Variants in EPHA6 observed in about 807,000 individuals in gnomAD.
EPHA6 encodes EPH receptor A6, also known as ephrin type-A receptor 6.
Under a neutral mutation model 112.0 loss-of-function variants are expected in EPHA6, and 50 were observed. That is an observed-to-expected ratio of 0.45 (90% CI 0.36 to 0.56). EPHA6 has a LOEUF of 0.56. Among genes scored for constraint, EPHA6 ranks in the 20% least tolerant of loss-of-function variants. The pLI is 0.00. For missense variants in EPHA6, 1,280 were observed against 1,417.4 expected (o/e 0.90, Z 1.56); for synonymous variants, 529 against 490.7 (o/e 1.08, Z -1.03).
At chr3:97,183,380 A>T (rs1467934847) in intron 3 of EPHA6, among the ~76,000 whole-genome samples, 1 of 152,176 alleles carries the variant, frequency 6.6e-6, no homozygotes, top group African/African-American at 2.4e-5. Flanking sequence ...AAATTCCACA[A>T]TATTAGATAA....
At chr3:97,480,165 T>G (rs1336117069) in intron 9 of EPHA6, among the ~76,000 whole-genome samples, 1 of 152,086 alleles carries the variant, frequency 6.6e-6, no homozygotes, top group Non-Finnish European at 1.5e-5. Flanking sequence ...AGTGAGGAAC[T>G]TTTATTTTTT....
At chr3:97,260,610 C>T (rs1411408969) in intron 5 of EPHA6, among the ~76,000 whole-genome samples, 14 of 152,182 alleles carry the variant, frequency 9.2e-5, no homozygotes, top group Non-Finnish European at 2.1e-4. Flanking sequence ...AAATAGTTTT[C>T]ATCTGGGAGC....
At chr3:97,556,407 T>TG (rs1251810572) in intron 11 of EPHA6, among the ~76,000 whole-genome samples, 3 of 151,992 alleles carry the variant, frequency 2.0e-5, no homozygotes, top group African/African-American at 4.8e-5. Flanking sequence ...TCAGCATGGC[T>TG]GGGGGGTCCT....
chr3:97,370,875 T>G (rs2085011141), intron 5 of EPHA6, among the ~76,000 whole-genome samples: 1 of 151,732 alleles, frequency 6.6e-6, no homozygotes, highest in African/African-American at 2.4e-5. Flanking sequence ...AGATTAAGAG[T>G]TTTTGCAGGA....
chr3:96,847,731 G>T (rs923151658), intron 1 of EPHA6, among the ~76,000 whole-genome samples: 1 of 152,012 alleles, frequency 6.6e-6, no homozygotes, highest in African/African-American at 2.4e-5. Flanking sequence ...GCATACTTTG[G>T]AACGGTACAA....
At chr3:97,252,299 C>T (rs548948546) in intron 5 of EPHA6, among the ~76,000 whole-genome samples, 44 of 152,206 alleles carry the variant, frequency 2.9e-4, no homozygotes, top group African/African-American at 1.0e-3. Flanking sequence ...GCCTTTGTAA[C>T]CCACAATGGG....
chr3:97,123,874 G>A (rs773124701), intron 3 of EPHA6, among the ~76,000 whole-genome samples: 2 of 151,906 alleles, frequency 1.3e-5, no homozygotes, highest in Non-Finnish European at 1.5e-5. Flanking sequence ...GTTGTTAAAC[G>A]TTTAGCTGCA....
chr3:96,926,183 CGA>C (rs1342944032), intron 2 of EPHA6, among the ~76,000 whole-genome samples: 2 of 151,982 alleles, frequency 1.3e-5, no homozygotes, highest in African/African-American at 4.8e-5. Context: ...TGGCAGCAGG[CGA>C]GAGAGTGATT....
At chr3:97,197,111 G>A (rs1303205846) in intron 3 of EPHA6, among the ~76,000 whole-genome samples, 1 of 152,032 alleles carries the variant, frequency 6.6e-6, no homozygotes, top group Non-Finnish European at 1.5e-5. Flanking sequence ...ATTCTGCCCA[G>A]GAGGCAACAT....
intron 5 of EPHA6, among the ~76,000 whole-genome samples, chr3:97,285,943 A>G (rs1452579669): frequency 6.6e-6 from 1 of 152,038 alleles, no homozygotes; most frequent in African/African-American, 2.4e-5. Flanking sequence ...GGGTAAGATG[A>G]TATCTCACTG....
In EPHA6 at chr3:97,760,812, C is replaced by T. The variant is rs1449602046; in HGVS notation, c.*12111C>T. 5.4e-6 allele frequency: 1 copy of T among 186,284 alleles called. No homozygotes were observed. 11.5% of individuals were successfully genotyped at this position (186,284 alleles called of 1,614,324 possible). A position where few individuals can be genotyped will look rare whatever the true frequency, so the allele number is the denominator to read the frequency against. On this transcript the variant is annotated 3_prime_UTR_variant, in exon 18 of 18. Coordinates refer to ENST00000389672, the MANE Select transcript of EPHA6 (RefSeq NM_001080448.3). ...AAAAACGACAGCTAAAAATAATTTC[C>T]CTCCCTATAAGTACAAATATGATTT...
intron 5 of EPHA6, among the ~76,000 whole-genome samples, chr3:97,263,436 T>TACACACACACAC (rs34479594): frequency 0.017 from 2,467 of 142,254 alleles, 57 homozygotes; most frequent in African/African-American, 0.052. Context: ...ATTAAAGGGA[T>TACACACACACAC]ACACACACAC....
intron 2 of EPHA6, among the ~76,000 whole-genome samples, chr3:96,960,847 C>A (rs1179950572): frequency 6.6e-6 from 1 of 152,130 alleles, no homozygotes; most frequent in Non-Finnish European, 1.5e-5. Context: ...CTGTTAAATT[C>A]TGAGTCATAG....
At chr3:96,888,525 A>G (rs2037766909) in intron 2 of EPHA6, among the ~76,000 whole-genome samples, 1 of 152,052 alleles carries the variant, frequency 6.6e-6, no homozygotes, top group South Asian at 2.1e-4. Context: ...GGCAGGCTCA[A>G]CACCACGTGG....
At chr3:97,588,030 A>G (rs2093507189) in intron 11 of EPHA6, among the ~76,000 whole-genome samples, 1 of 152,338 alleles carries the variant, frequency 6.6e-6, no homozygotes, top group Non-Finnish European at 1.5e-5. Context: ...CAAGTTTTAC[A>G]GGGGATATTA....
At chr3:97,531,970 G>T (rs1045430883) in intron 10 of EPHA6, among the ~76,000 whole-genome samples, 14 of 152,096 alleles carry the variant, frequency 9.2e-5, no homozygotes, top group Middle Eastern at 3.4e-3. Context: ...ACACATTCCT[G>T]ATGGATTCCC....
At chr3:97,720,048 A>G (rs1228396320) in intron 14 of EPHA6, among the ~76,000 whole-genome samples, 1 of 152,228 alleles carries the variant, frequency 6.6e-6, no homozygotes. Flanking sequence ...CTGAAGTGTG[A>G]CTTATTTCCC....
intron 5 of EPHA6, among the ~76,000 whole-genome samples, chr3:97,396,991 G>A (rs1019524034): frequency 7.3e-5 from 11 of 151,592 alleles, no homozygotes; most frequent in East Asian, 5.8e-4. Context: ...TATTGGAAAC[G>A]TAGTCATCAG....
chr3:96,949,483 T>C lies in EPHA6; in HGVS notation c.451-37847T>C, dbSNP rs962582042. Among the ~76,000 whole-genome samples, 11 of 152,096 alleles carry C rather than the reference T, an allele frequency of 7.2e-5. No individual in the cohort carries two copies. The East Asian group carries it at 2.1e-3, about 29-fold the overall frequency. ...AATAATTAATGACATGATGGGACTT[T>C]TTGAGAATAAAGTGAGATTTTTATA... On this transcript the variant is annotated intron_variant, in intron 2 of 17. Transcript: ENST00000389672.
Sources: gnomAD v4.1 joint callset for allele counts (sites outside exome capture counted in the v4.1 genomes callset) on GRCh38, gnomAD v4.1.1 for gene constraint, MANE v1.5 for transcripts, NCBI Gene and HGNC (gene_info 2026-07-23, HGNC 2026-07-21) for gene names.